NECTIN3: variants seen among roughly 807,000 people sequenced by gnomAD.
The protein encoded by NECTIN3 is nectin cell adhesion molecule 3.
NECTIN3 carries 8 observed loss-of-function variants against 49.4 expected under a neutral mutation model. The observed-to-expected ratio is 0.16, with a 90% confidence interval of 0.10 to 0.29. The LOEUF is 0.29. NECTIN3 is among the 10% of genes least tolerant of loss of function. The pLI, the probability that NECTIN3 is intolerant of heterozygous loss-of-function variation, is 1.00. For missense variants in NECTIN3, 581 were observed against 654.6 expected (o/e 0.89, Z 1.23); for synonymous variants, 277 against 241.1 (o/e 1.15, Z -1.38).
At chr3:111,111,665 G>A (rs1576115681) in intron 1 of NECTIN3, among the ~76,000 whole-genome samples, 1 of 152,134 alleles carries the variant, frequency 6.6e-6, no homozygotes, top group South Asian at 2.1e-4. Flanking sequence ...CAAAGTGTCA[G>A]CCAGAGCTGG....
chr3:111,118,742 A>G lies in NECTIN3; in HGVS notation c.589A>G (p.Thr197Ala), dbSNP rs1286743597. The change falls in exon 3 of 6, where the codon ACT (threonine) becomes GCT (alanine). Residue 197 changes from threonine to alanine, a missense_variant. This residue lies in a region of NECTIN3 where 234 missense variants were observed against 340.6 expected (regional missense o/e 0.69). Coordinates refer to ENST00000485303, the MANE Select transcript of NECTIN3 (RefSeq NM_015480.3). Reference sequence around the variant, plus strand: ...AGTAGCAGCCATTTGCATCGCAGCCACTGGAAAACCCGTTGCACATATTGA... The same window carrying G: ...AGTAGCAGCCATTTGCATCGCAGCCGCTGGAAAACCCGTTGCACATATTGA... ...ETVAAICIAA[T>A]GKPVAHIDWE... The G allele has an allele frequency of 6.2e-7, 1 of 1,614,194 alleles. No homozygotes were observed. The highest frequency in any genetic ancestry group is 8.5e-7 in the Non-Finnish European group (1 of 1,180,036).
intron 1 of NECTIN3, among the ~76,000 whole-genome samples, chr3:111,098,091 CCTTTT>C (rs1455757135): frequency 1.3e-5 from 2 of 152,084 alleles, no homozygotes; most frequent in African/African-American, 4.8e-5. Flanking sequence ...TTATAATTAT[CCTTTT>C]CTTTGGTTTT....
At chr3:111,184,262 G>A (rs900581850) in intron 7 of NECTIN3, among the ~76,000 whole-genome samples, 2 of 151,974 alleles carry the variant, frequency 1.3e-5, no homozygotes, top group African/African-American at 4.8e-5. Context: ...ATTTATAATA[G>A]CCATTTTAAA....
chr3:111,139,424 C>T (rs1207193452), downstream of NECTIN3, among the ~76,000 whole-genome samples: 2 of 151,700 alleles, frequency 1.3e-5, no homozygotes, highest in Non-Finnish European at 3.0e-5. Context: ...CTGCCATTTG[C>T]ATCCCACACA....
At chr3:111,129,995 G>T (rs530754261) in intron 5 of NECTIN3, among the ~76,000 whole-genome samples, 1 of 141,952 alleles carries the variant, frequency 7.0e-6, no homozygotes, top group Admixed American at 7.3e-5. Flanking sequence ...TTGCTCTGTC[G>T]CCCAGGCTTG....
chr3:111,126,869 A>G (rs1181619519), intron 5 of NECTIN3, among the ~76,000 whole-genome samples: 1 of 152,092 alleles, frequency 6.6e-6, no homozygotes, highest in African/African-American at 2.4e-5. Flanking sequence ...GATGTTTTTT[A>G]TTGTCTTTAA....
At chr3:111,117,020 A>G (rs1017293004) in intron 2 of NECTIN3, among the ~76,000 whole-genome samples, 1 of 152,112 alleles carries the variant, frequency 6.6e-6, no homozygotes, top group African/African-American at 2.4e-5. Flanking sequence ...ATGAATGGAA[A>G]TGTTTCTTGT....
intron 7 of NECTIN3, among the ~76,000 whole-genome samples, chr3:111,180,834 C>T (rs1008774443): frequency 3.3e-5 from 5 of 152,044 alleles, no homozygotes; most frequent in African/African-American, 4.8e-5. Flanking sequence ...GTACTTTTTT[C>T]GTAGCAGATT....
In NECTIN3 at chr3:111,168,170, G is replaced by GA. The variant is rs369666151; in HGVS notation, c.1221+20692dup. Among the ~76,000 whole-genome samples, 229 of 152,066 alleles carry GA rather than the reference G, an allele frequency of 1.5e-3. 2 individuals are homozygous for GA. The highest frequency in any genetic ancestry group is 5.2e-3 in the African/African-American group (216 of 41,426). On this transcript the variant is annotated intron_variant, in intron 7 of 8. Transcript: ENST00000493615. ...CCTTGGATGAACAGCCAGATAAGGG[G>GA]AAAAAATAACATACAAAGAGCTATG...
chr3:111,101,151 G>C (rs2032884189), intron 1 of NECTIN3, among the ~76,000 whole-genome samples: 1 of 152,020 alleles, frequency 6.6e-6, no homozygotes, highest in Non-Finnish European at 1.5e-5. Context: ...AAAGTTTTGT[G>C]CTTCTCTTCT....
intron 7 of NECTIN3, among the ~76,000 whole-genome samples, chr3:111,179,139 T>A (rs1305982243): frequency 1.3e-5 from 2 of 152,218 alleles, no homozygotes; most frequent in South Asian, 4.1e-4. Context: ...TTTAATCATG[T>A]TGCCATTATT....
chr3:111,090,040 G>T (rs1559770271), intron 1 of NECTIN3, among the ~76,000 whole-genome samples: 2 of 151,950 alleles, frequency 1.3e-5, no homozygotes, highest in African/African-American at 4.8e-5. Context: ...CATTTACTTT[G>T]TCTAGTTTTC....
downstream of NECTIN3, among the ~76,000 whole-genome samples, chr3:111,139,890 T>TC (rs1360223201): frequency 3.2e-4 from 49 of 152,028 alleles, no homozygotes; most frequent in African/African-American, 1.2e-3. Flanking sequence ...ATGTTAATTT[T>TC]TTCTCACTAA....
At chr3:111,110,696 G>A (rs2033419519) in intron 1 of NECTIN3, among the ~76,000 whole-genome samples, 1 of 151,368 alleles carries the variant, frequency 6.6e-6, no homozygotes, top group African/African-American at 2.5e-5. Flanking sequence ...TAGAACATGA[G>A]AGTAAATTTT....
chr3:111,122,819 C>G (rs930421894), intron 4 of NECTIN3, among the ~76,000 whole-genome samples: 4 of 151,890 alleles, frequency 2.6e-5, no homozygotes, highest in Admixed American at 2.6e-4. Flanking sequence ...ACTGTTATAC[C>G]AAGGTTTTTA....
At chr3:111,145,462 A>AT (rs1240876883) in intron 6 of NECTIN3, among the ~76,000 whole-genome samples, 1 of 152,348 alleles carries the variant, frequency 6.6e-6, no homozygotes, top group Admixed American at 6.5e-5. Context: ...TATTAAATAC[A>AT]TTGAGTTTTA....
At chr3:111,132,405 C>A (rs528412568) in intron 5 of NECTIN3, among the ~76,000 whole-genome samples, 1 of 151,804 alleles carries the variant, frequency 6.6e-6, no homozygotes. Context: ...GAATAACTTA[C>A]CCCATGTAGA....
At chr3:111,093,949 CACTT>C (rs1392146868) in intron 1 of NECTIN3, among the ~76,000 whole-genome samples, 6 of 152,104 alleles carry the variant, frequency 3.9e-5, no homozygotes, top group East Asian at 1.9e-4. Flanking sequence ...TTATGTGAAA[CACTT>C]ACTCTGTAGA....
Position 111,072,097 on chromosome 3 carries a change from C to T in NECTIN3, c.80C>T (p.Ala27Val). ...CTTTCCTCCGCTTCTCTCCTCGGAGCCGGGCTCCTGCTGCAGCCCCCGACG... is the reference window on the plus strand; with the variant it reads ...CTTTCCTCCGCTTCTCTCCTCGGAGTCGGGCTCCTGCTGCAGCCCCCGACG... ...AQLSSASLLG[A>V]GLLLQPPTPP... Residue 27 changes from alanine (A) to valine (V), a missense_variant, in exon 1 of 6, where the codon GCC (alanine) becomes GTC (valine). Ala to Val is a moderately conservative substitution (Grantham distance 64). Transcript: ENST00000485303. 6.5e-7 allele frequency: 1 copy of T among 1,549,478 alleles called. No homozygotes were observed. Among genetic ancestry groups the T allele is most frequent in the Non-Finnish European group, 8.7e-7 (1 of 1,146,132 alleles).
Sources: gnomAD v4.1 joint callset for allele counts (sites outside exome capture counted in the v4.1 genomes callset) on GRCh38, gnomAD v4.1.1 for gene constraint, gnomAD v4.1.1 regional missense constraint, MANE v1.5 for transcripts, NCBI Gene and HGNC (gene_info 2026-07-23, HGNC 2026-07-21) for gene names.